SNX29: variants seen among roughly 807,000 people sequenced by gnomAD.
SNX29 encodes sorting nexin 29, also known as sorting nexin-29.
In SNX29, 78 loss-of-function variants were observed where a neutral mutation model predicts 102.1. The ratio of observed to expected loss-of-function variants is 0.76; its 90% CI spans 0.64 to 0.92. The LOEUF is 0.92. SNX29 is among the 40% of genes least tolerant of loss of function. The pLI, the probability that SNX29 is intolerant of heterozygous loss-of-function variation, is 0.00. For synonymous variants in SNX29, 580 were observed against 414.5 expected, an observed-to-expected ratio of 1.40 and a Z score of -4.85; for missense variants, 1,280 against 1,061.7, an observed-to-expected ratio of 1.21 and a Z score of -2.86.
At chr16:12,083,445 T>G (rs1321073421) in intron 11 of SNX29, among the ~76,000 whole-genome samples, 1 of 152,156 alleles carries the variant, frequency 6.6e-6, no homozygotes, top group African/African-American at 2.4e-5. Flanking sequence ...TCTGTCCTTA[T>G]GTGGCCTTTC....
chr16:11,990,658 AC>A, intron 1 of SNX29, among the ~76,000 whole-genome samples: 1 of 152,208 alleles, frequency 6.6e-6, no homozygotes, highest in Non-Finnish European at 1.5e-5. Flanking sequence ...CGCCAGTGTA[AC>A]TGAGAATGAA....
intron 19 of SNX29, among the ~76,000 whole-genome samples, chr16:12,490,345 G>C (rs961872874): frequency 2.0e-5 from 3 of 152,200 alleles, no homozygotes; most frequent in Non-Finnish European, 2.9e-5. Context: ...CATCACATCT[G>C]TGAGCTTCCT....
At chr16:12,543,410 C>G (rs980650927) in intron 20 of SNX29, among the ~76,000 whole-genome samples, 6 of 152,210 alleles carry the variant, frequency 3.9e-5, no homozygotes, top group African/African-American at 9.6e-5. Context: ...GCCCGATTCA[C>G]TGAAAGGAGA....
chr16:12,558,703 C>G lies in SNX29; in HGVS notation c.2319-9803C>G, dbSNP rs571769276. Among the ~76,000 whole-genome samples, 426 of 152,284 alleles carry G rather than the reference C, an allele frequency of 2.8e-3. 1 individual carries two copies. Among genetic ancestry groups the G allele is most frequent in the Non-Finnish European group, 2.9e-3 (194 of 68,030 alleles). Reference sequence around the variant, plus strand: ...GCTGGGATTTGAATCCACCCCCATCCCGTTTCTACGGGGGGCTGCACAAGC... The same window carrying G: ...GCTGGGATTTGAATCCACCCCCATCGCGTTTCTACGGGGGGCTGCACAAGC... On this transcript the variant is annotated intron_variant, in intron 20 of 20. Coordinates refer to ENST00000566228, the MANE Select transcript of SNX29 (RefSeq NM_032167.5).
intron 16 of SNX29, among the ~76,000 whole-genome samples, chr16:12,365,026 G>A (rs2082420552): frequency 6.6e-6 from 1 of 152,064 alleles, no homozygotes; most frequent in Non-Finnish European, 1.5e-5. Context: ...CCATTTTTCA[G>A]CTGAGCAAAT....
chr16:12,168,757 G>C (rs1373222187), intron 13 of SNX29, among the ~76,000 whole-genome samples: 4 of 152,226 alleles, frequency 2.6e-5, no homozygotes, highest in African/African-American at 7.2e-5. Context: ...GTTATTATTA[G>C]ATCGTTACAT....
chr16:12,132,441 T>C (rs2054504179), intron 13 of SNX29, among the ~76,000 whole-genome samples: 1 of 152,184 alleles, frequency 6.6e-6, no homozygotes, highest in Non-Finnish European at 1.5e-5. Context: ...CAGCGTAGTC[T>C]TGAGTCTTTG....
chr16:12,540,005 CTT>C (rs1186961051), intron 20 of SNX29, among the ~76,000 whole-genome samples: 2 of 152,148 alleles, frequency 1.3e-5, no homozygotes, highest in African/African-American at 4.8e-5. Context: ...TTTTCAGTGT[CTT>C]TTGCATGACA....
At chr16:12,064,959 C>T (rs1246031351) in intron 9 of SNX29, among the ~76,000 whole-genome samples, 2 of 152,202 alleles carry the variant, frequency 1.3e-5, no homozygotes, top group Non-Finnish European at 2.9e-5. Context: ...CTTTTGTCAT[C>T]TTTGAACACG....
intron 13 of SNX29, among the ~76,000 whole-genome samples, chr16:12,164,300 A>G (rs2141689904): frequency 6.6e-6 from 1 of 152,296 alleles, no homozygotes; most frequent in Non-Finnish European, 1.5e-5. Flanking sequence ...AGTTTGGAAA[A>G]CAGAATTTCC....
At chr16:12,425,535 AAAAAAAAAAT>A (rs2085032150) in intron 18 of SNX29, among the ~76,000 whole-genome samples, 2 of 112,198 alleles carry the variant, frequency 1.8e-5, no homozygotes, top group South Asian at 2.4e-4. Flanking sequence ...GAGTTAAAAA[AAAAAAAAAAT>A]AAAAAAAATA....
chr16:12,243,803 AC>A (rs1366124251), intron 14 of SNX29, among the ~76,000 whole-genome samples: 1 of 152,132 alleles, frequency 6.6e-6, no homozygotes. Context: ...AGACAGAAGC[AC>A]CTCCTGGTGC....
At chr16:12,241,305 A>G (rs2078097495) in intron 14 of SNX29, among the ~76,000 whole-genome samples, 1 of 152,224 alleles carries the variant, frequency 6.6e-6, no homozygotes, top group African/African-American at 2.4e-5. Context: ...AATTGAAGCA[A>G]GAAGCCCTGA....
intron 1 of SNX29, among the ~76,000 whole-genome samples, chr16:11,997,541 G>A (rs1156457975): frequency 2.0e-5 from 3 of 151,064 alleles, no homozygotes; most frequent in South Asian, 2.1e-4. Context: ...GCAGTGGCAC[G>A]ATCTCAGCTC....
At chr16:12,552,331 C>T (rs572956445) in intron 20 of SNX29, among the ~76,000 whole-genome samples, 1 of 152,278 alleles carries the variant, frequency 6.6e-6, no homozygotes, top group Admixed American at 6.5e-5. Flanking sequence ...GAACTCCTCT[C>T]CTGGCTTCTG....
At chr16:12,021,753 G>A (rs1014089354) in intron 3 of SNX29, among the ~76,000 whole-genome samples, 27 of 152,068 alleles carry the variant, frequency 1.8e-4, no homozygotes, top group African/African-American at 1.9e-4. Context: ...ATGGCCGGAC[G>A]TGGTGGCCCG....
chr16:12,541,332 C>T (rs1390162795), intron 20 of SNX29, among the ~76,000 whole-genome samples: 2 of 152,120 alleles, frequency 1.3e-5, no homozygotes, highest in Non-Finnish European at 2.9e-5. Flanking sequence ...TTCTGAGTGC[C>T]AGAATTACCT....
At chr16:12,254,347 C>A (rs2078506406) in intron 14 of SNX29, among the ~76,000 whole-genome samples, 2 of 152,050 alleles carry the variant, frequency 1.3e-5, no homozygotes, top group Non-Finnish European at 2.9e-5. Flanking sequence ...AAGGAGATAC[C>A]AGCAAAAGAG....
At chr16:12,372,690 G>A (rs2082727116) in intron 16 of SNX29, 1 of 152,210 alleles carries the variant, frequency 6.6e-6, no homozygotes, top group African/African-American at 2.4e-5. Context: ...GTATGTCATG[G>A]AAGGTTTCAA....
Sources: allele counts gnomAD v4.1 joint callset (sites outside exome capture counted in the v4.1 genomes callset), GRCh38; gene constraint gnomAD v4.1.1; transcripts MANE v1.5; gene names NCBI Gene and HGNC (gene_info 2026-07-23, HGNC 2026-07-21).